GRM7: variants seen among roughly 807,000 people sequenced by gnomAD.
GRM7 encodes metabotropic glutamate receptor 7.
Under a neutral mutation model 84.5 loss-of-function variants are expected in GRM7, and 35 were observed. That is an observed-to-expected ratio of 0.41 (90% confidence interval 0.32 to 0.55). The LOEUF is 0.55. GRM7 is among the 20% of genes least tolerant of loss of function. GRM7 has a pLI of 0.19. For missense variants in GRM7, 1,003 were observed against 1,194.6 expected (o/e 0.84, Z 2.36); for synonymous variants, 487 against 455.1 (o/e 1.07, Z -0.89).
At chr3:7,290,297 A>G (rs1699577688) in intron 2 of GRM7, among the ~76,000 whole-genome samples, 2 of 152,296 alleles carry the variant, frequency 1.3e-5, no homozygotes, top group South Asian at 2.1e-4. Context: ...CAATTTCACC[A>G]TCTGCAAAAT....
Position 7,298,678 on chromosome 3 carries a change from A to G in GRM7, c.737-6A>G. Reference sequence around the variant, plus strand: ...TATTGACACTATGTTTTCTTCTCTTAAACAGGTGGACTCTGCATTGCCCAG... The same window carrying G: ...TATTGACACTATGTTTTCTTCTCTTGAACAGGTGGACTCTGCATTGCCCAG... On this transcript the variant is annotated splice_region_variant and splice_polypyrimidine_tract_variant and intron_variant, in intron 2 of 9. Coordinates refer to ENST00000357716, the MANE Select transcript of GRM7 (RefSeq NM_000844.4). The G allele has an allele frequency of 6.2e-7, 1 of 1,612,070 alleles. No homozygotes were observed. The highest frequency in any genetic ancestry group is 1.3e-5 in the African/African-American group (1 of 74,938).
chr3:7,364,698 GTTATTC>G (rs1693805609), intron 4 of GRM7, among the ~76,000 whole-genome samples: 1 of 151,646 alleles, frequency 6.6e-6, no homozygotes, highest in African/African-American at 2.4e-5. Context: ...GTTGTTTGGT[GTTATTC>G]TTATCTTGGA....
intron 2 of GRM7, among the ~76,000 whole-genome samples, chr3:7,212,865 C>G (rs1052029460): frequency 1.3e-5 from 2 of 152,158 alleles, no homozygotes; most frequent in Non-Finnish European, 2.9e-5. Context: ...ACACTGCATG[C>G]TGAGTTTCCA....
Position 7,578,455 on chromosome 3 carries a change from G to C in GRM7, c.1549G>C (p.Glu517Gln). 6.2e-7 allele frequency: 1 copy of C among 1,613,428 alleles called. No individual in the cohort carries two copies. The highest frequency in any genetic ancestry group is 8.5e-7 in the Non-Finnish European group (1 of 1,179,544). ...EDMQWGKGVR[E>Q]IPASVCTLPC... ...CATGCAGTGGGGTAAAGGAGTCCGA[G>C]AGATACCCGCCTCAGTGTGCACACT... The change falls in exon 8 of 10, where the codon GAG (glutamate) becomes CAG (glutamine). Residue 517 changes from glutamate to glutamine, a missense_variant. Physicochemically the swap from Glu to Gln is conservative, Grantham distance 29. This residue lies in a region of GRM7 where 910 missense variants were observed against 1,126.0 expected (regional missense o/e 0.81). Coordinates refer to ENST00000357716, the MANE Select transcript of GRM7 (RefSeq NM_000844.4).
At chr3:7,123,050 A>T (rs772796699) in intron 1 of GRM7, among the ~76,000 whole-genome samples, 4 of 152,236 alleles carry the variant, frequency 2.6e-5, no homozygotes, top group Non-Finnish European at 5.9e-5. Flanking sequence ...AATTAGAATC[A>T]CTATAATCAG....
At chr3:7,310,605 A>G (rs947935228) in intron 4 of GRM7, among the ~76,000 whole-genome samples, 11 of 152,210 alleles carry the variant, frequency 7.2e-5, no homozygotes, top group African/African-American at 2.4e-4. Context: ...GCTTCTAAGC[A>G]ATGCGTATGT....
intron 9 of GRM7, among the ~76,000 whole-genome samples, chr3:7,689,615 C>G (rs1372706966): frequency 2.0e-5 from 3 of 152,202 alleles, no homozygotes; most frequent in East Asian, 1.9e-4. Context: ...GGTTCTGCAA[C>G]TGCCGTCTTA....
chr3:7,663,229 GC>G (rs1280614409), intron 8 of GRM7, among the ~76,000 whole-genome samples: 1 of 152,158 alleles, frequency 6.6e-6, no homozygotes, highest in African/African-American at 2.4e-5. Context: ...GAGAAGTTGG[GC>G]TGGGATGCAG....
At chr3:7,232,549 G>A (rs1179994157) in intron 2 of GRM7, among the ~76,000 whole-genome samples, 5 of 152,170 alleles carry the variant, frequency 3.3e-5, no homozygotes, top group African/African-American at 1.2e-4. Context: ...CTTAAGATCA[G>A]TTTGTATGAT....
At chr3:7,221,178 T>C (rs1309160083) in intron 2 of GRM7, among the ~76,000 whole-genome samples, 2 of 152,094 alleles carry the variant, frequency 1.3e-5, no homozygotes, top group East Asian at 1.9e-4. Context: ...TCACCCTCCA[T>C]TGAGGTTATG....
intron 8 of GRM7, among the ~76,000 whole-genome samples, chr3:7,672,601 CTTT>C (rs773468950): frequency 0.027 from 3,211 of 116,938 alleles, 85 homozygotes; most frequent in African/African-American, 0.093. Context: ...TTTTAATATA[CTTT>C]TTTTTTTTTT....
intron 1 of GRM7, among the ~76,000 whole-genome samples, chr3:7,039,557 G>C (rs1385680847): frequency 6.6e-6 from 1 of 152,134 alleles, no homozygotes; most frequent in Admixed American, 6.5e-5. Context: ...GAATATGACA[G>C]TGTATCAAAT....
chr3:6,997,377 T>C (rs1264713488), intron 1 of GRM7, among the ~76,000 whole-genome samples: 1 of 152,184 alleles, frequency 6.6e-6, no homozygotes, highest in Non-Finnish European at 1.5e-5. Context: ...TGACTCACAG[T>C]TCTGCAGGGC....
chr3:6,987,363 A>G (rs1283190564), intron 1 of GRM7, among the ~76,000 whole-genome samples: 1 of 151,956 alleles, frequency 6.6e-6, no homozygotes, highest in Non-Finnish European at 1.5e-5. Flanking sequence ...ACAAGTAGTA[A>G]ATTAGACAGA....
At chr3:7,717,589 G>A (rs946372472) in intron 9 of GRM7, among the ~76,000 whole-genome samples, 1 of 152,076 alleles carries the variant, frequency 6.6e-6, no homozygotes, top group African/African-American at 2.4e-5. Flanking sequence ...AATACAAAGT[G>A]GCCAAAGATA....
chr3:7,210,475 T>G (rs1696384260), intron 2 of GRM7, among the ~76,000 whole-genome samples: 1 of 152,198 alleles, frequency 6.6e-6, no homozygotes, highest in Non-Finnish European at 1.5e-5. Context: ...AAGAGGGATG[T>G]GAAAGTGTAA....
Position 7,524,017 on chromosome 3 carries a change from C to T in GRM7, c.1516-54405C>T, listed in dbSNP as rs572590227. Among the ~76,000 whole-genome samples, 12 of 152,202 alleles carry T rather than the reference C, an allele frequency of 7.9e-5. No individual in the cohort carries two copies. In the South Asian group the frequency reaches 1.5e-3, roughly 18 times the overall value. On this transcript the variant is annotated intron_variant, in intron 7 of 9. Coordinates refer to ENST00000357716, the MANE Select transcript of GRM7 (RefSeq NM_000844.4). ...TTCTATCTTGCTCCTAGAGAGATCACGGAGGCTAGGAGGGTGCTGGATCTG... is the reference window on the plus strand; with the variant it reads ...TTCTATCTTGCTCCTAGAGAGATCATGGAGGCTAGGAGGGTGCTGGATCTG...
rs1008017640 is a variant in GRM7, at chr3:7,061,922, C to G, written c.520-84530C>G. On this transcript the variant is annotated intron_variant, in intron 1 of 9. Transcript: ENST00000357716. ...AATACAAAATAGCATATTCCCTGCC[C>G]CTAACTTCTTATCTAATCAACATGA... Among the ~76,000 whole-genome samples the G allele has an allele frequency of 7.9e-5, 12 of 151,734 alleles. No individual in the cohort carries two copies. The South Asian group carries it at 1.7e-3, about 21-fold the overall frequency.
intron 4 of GRM7, among the ~76,000 whole-genome samples, chr3:7,373,744 G>A (rs915440929): frequency 6.6e-6 from 1 of 151,554 alleles, no homozygotes; most frequent in Admixed American, 6.6e-5. Flanking sequence ...TTTGGAATGT[G>A]GCCAGCATCT....
Sources: allele counts gnomAD v4.1 joint callset (sites outside exome capture counted in the v4.1 genomes callset), GRCh38; gene constraint gnomAD v4.1.1; regional missense constraint gnomAD v4.1.1; transcripts MANE v1.5; gene names NCBI Gene and HGNC (gene_info 2026-07-23, HGNC 2026-07-21).